The following SLC47A1 variants were observed in gnomAD, a reference collection of about 807,000 sequenced individuals.
SLC47A1 encodes the protein solute carrier family 47 member 1, also known as multidrug and toxin extrusion protein 1.
SLC47A1 carries 58 observed loss-of-function variants against 65.8 expected under a neutral mutation model. That is an observed-to-expected ratio of 0.88 (90% CI 0.71 to 1.10). The LOEUF (loss-of-function observed/expected upper bound fraction) is 1.10. Among genes scored for constraint, SLC47A1 ranks in the 50% least tolerant of loss-of-function variants. The pLI is 0.00. For missense variants in SLC47A1, 706 were observed against 719.2 expected (o/e 0.98, Z 0.21); for synonymous variants, 285 against 295.0 (o/e 0.97, Z 0.35).
At chr17:19,545,339 C>T (rs994081583) in intron 2 of SLC47A1, among the ~76,000 whole-genome samples, 24 of 151,658 alleles carry the variant, frequency 1.6e-4, no homozygotes, top group East Asian at 3.9e-4. Context: ...GGAATACAGG[C>T]GCCCGCCACT....
In SLC47A1 at chr17:19,534,039, G is replaced by C; in HGVS notation, c.100G>C (p.Glu34Gln). The change falls in exon 1 of 17, where the codon GAG (glutamate) becomes CAG (glutamine). Residue 34 changes from glutamate (E) to glutamine (Q), a missense_variant. Coordinates refer to ENST00000270570, the MANE Select transcript of SLC47A1 (RefSeq NM_018242.3). ...CTTGCGGCTGTCCGCCTTCCGAGAAGAGCTGCGGGCGCTCTTGGTCCTGGC... is the reference window on the plus strand; with the variant it reads ...CTTGCGGCTGTCCGCCTTCCGAGAACAGCTGCGGGCGCTCTTGGTCCTGGC... ...RCLRLSAFREELRALLVLAGP... is the reference protein window; with the variant it reads ...RCLRLSAFREQLRALLVLAGP... 6.5e-7 allele frequency: 1 copy of C among 1,547,992 alleles called. No homozygotes were observed. Among genetic ancestry groups the C allele is most frequent in the Non-Finnish European group, 8.7e-7 (1 of 1,147,734 alleles).
At chr17:19,534,267 G>A (rs1048410662) in intron 1 of SLC47A1, 193 bp downstream of exon 1, 2 of 661,338 alleles carry the variant, frequency 3.0e-6, no homozygotes, top group Non-Finnish European at 4.6e-6. Context: ...TTTCCGCTCC[G>A]CACCACCCGA....
chr17:19,546,397 TTAAC>T, intron 2 of SLC47A1, 34 bp from the exon 3 acceptor site: 1 of 1,604,674 alleles, frequency 6.2e-7, no homozygotes, highest in East Asian at 2.2e-5. Flanking sequence ...CTTTCCTCCT[TTAAC>T]TCTATAGGGC....
intron 2 of SLC47A1, among the ~76,000 whole-genome samples, chr17:19,544,503 T>C (rs149128358): frequency 1.3e-5 from 2 of 152,252 alleles, no homozygotes; most frequent in East Asian, 1.9e-4. Context: ...AGGTTCCAGA[T>C]GGGGAGCACA....
intron 7 of SLC47A1, 74 bp from the exon 8 acceptor site, chr17:19,555,518 TC>T: frequency 1.4e-6 from 2 of 1,460,346 alleles, no homozygotes; most frequent in Admixed American, 3.4e-5. Context: ...AAGGGATGAG[TC>T]TCCCCTCCTC....
intron 1 of SLC47A1, among the ~76,000 whole-genome samples, chr17:19,536,299 A>T (rs1213510103): frequency 6.7e-6 from 1 of 150,000 alleles, no homozygotes; most frequent in African/African-American, 2.4e-5. Context: ...AGGTTTCTGA[A>T]ATCCAGCCCT....
At position 19,567,198 on chromosome 17, in the gene SLC47A1, C is replaced by A. The variant is rs370209076; in HGVS notation, c.1279C>A (p.Leu427Met). ...YVVGLPIGIA[L>M]MFATTLGVMG... ...GGTTGGCCTCCCCATCGGGATCGCG[C>A]TGATGTTTGCAACCACACTTGGAGT... The change falls in exon 14 of 17, where the codon CTG (leucine) becomes ATG (methionine). Residue 427 changes from leucine to methionine, a missense_variant. Leu to Met is a conservative substitution (Grantham distance 15). Coordinates refer to ENST00000270570, the MANE Select transcript of SLC47A1 (RefSeq NM_018242.3). 12 of 1,614,198 alleles carry A rather than the reference C, an allele frequency of 7.4e-6. No homozygotes were observed. In the African/African-American group the frequency reaches 1.3e-4, roughly 18 times the overall value.
intron 14 of SLC47A1, among the ~76,000 whole-genome samples, chr17:19,569,725 G>A (rs1327517740): frequency 6.6e-6 from 1 of 152,226 alleles, no homozygotes; most frequent in African/African-American, 2.4e-5. Context: ...TGGGCTCATA[G>A]GTTGGGTCAA....
At chr17:19,549,828 TG>T in intron 5 of SLC47A1, 151 bp downstream of exon 5, 1 of 816,344 alleles carries the variant, frequency 1.2e-6, no homozygotes, top group Admixed American at 2.2e-5. Flanking sequence ...TATTTATGCC[TG>T]TTAAGGACAC....
Position 19,578,092 on chromosome 17 carries a change from T to G in SLC47A1, c.*539T>G, listed in dbSNP as rs1285500256. The G allele has an allele frequency of 1.5e-6, 1 of 684,414 alleles. No homozygotes were observed. Among genetic ancestry groups the G allele is most frequent in the Non-Finnish European group, 2.3e-6 (1 of 436,664 alleles). 42.4% of individuals were successfully genotyped at this position (684,414 alleles called of 1,614,324 possible). A position where few individuals can be genotyped will look rare whatever the true frequency, so the allele number is the denominator to read the frequency against. ...CGAACTCTTGGGCTTCAAGCAATCCTCCTGTGTCAGCCACCAGAGTAGCTG... is the reference window on the plus strand; with the variant it reads ...CGAACTCTTGGGCTTCAAGCAATCCGCCTGTGTCAGCCACCAGAGTAGCTG... On this transcript the variant is annotated 3_prime_UTR_variant, in exon 17 of 17. Coordinates refer to ENST00000270570, the MANE Select transcript of SLC47A1 (RefSeq NM_018242.3).
chr17:19,542,513 G>A lies in SLC47A1; in HGVS notation c.237+19G>A. The A allele has an allele frequency of 6.3e-7, 1 of 1,590,420 alleles. No individual in the cohort carries two copies. The highest frequency in any genetic ancestry group is 8.6e-7 in the Non-Finnish European group (1 of 1,168,594). On this transcript the variant is annotated intron_variant, in intron 2 of 16. Coordinates refer to ENST00000270570, the MANE Select transcript of SLC47A1 (RefSeq NM_018242.3). ...AATCGCGGTACGTGTGGGCTTTCTGGCAGGTTTACCAACACTGTCTGTGTT... is the reference window on the plus strand; with the variant it reads ...AATCGCGGTACGTGTGGGCTTTCTGACAGGTTTACCAACACTGTCTGTGTT...
Position 19,555,637 on chromosome 17 carries a change from T to C in SLC47A1, c.686T>C (p.Leu229Pro). The C allele has an allele frequency of 6.2e-7, 1 of 1,614,210 alleles. No homozygotes were observed. The highest frequency in any genetic ancestry group is 8.5e-7 in the Non-Finnish European group (1 of 1,180,042). ...ANLISQYTLA[L>P]LLFLYILGKK... Reference sequence around the variant, plus strand: ...TTGATTTCCCAGTACACCCTGGCTCTACTCCTCTTTCTCTACATCCTCGGG... The same window carrying C: ...TTGATTTCCCAGTACACCCTGGCTCCACTCCTCTTTCTCTACATCCTCGGG... Residue 229 changes from leucine (L) to proline (P), a missense_variant, in exon 8 of 17, where the codon CTA becomes CCA. Leu to Pro is a moderately conservative substitution (Grantham distance 98). Transcript: ENST00000270570.
intron 1 of SLC47A1, chr17:19,534,378 C>T (rs1300995433): frequency 3.0e-6 from 1 of 331,550 alleles, no homozygotes; most frequent in Non-Finnish European, 5.5e-6. Flanking sequence ...CAGGAGACAC[C>T]GGAGAGCTGG....
chr17:19,577,039 G>A (rs1226744599), intron 16 of SLC47A1, among the ~76,000 whole-genome samples: 11 of 152,126 alleles, frequency 7.2e-5, no homozygotes, highest in African/African-American at 1.9e-4. Context: ...GAGCCACCGC[G>A]CCCGGCTTCC....
intron 16 of SLC47A1, among the ~76,000 whole-genome samples, chr17:19,574,252 C>T (rs1230406904): frequency 6.6e-6 from 1 of 152,090 alleles, no homozygotes; most frequent in African/African-American, 2.4e-5. Context: ...GGATGCAGCC[C>T]TTTGGGGTTC....
intron 15 of SLC47A1, 54 bp downstream of exon 15, chr17:19,571,626 C>A: frequency 7.4e-7 from 1 of 1,343,172 alleles, no homozygotes; most frequent in Non-Finnish European, 1.1e-6. Flanking sequence ...AAAACAGGAT[C>A]TGATCTGGCT....
At chr17:19,574,462 C>T (rs2084423842) in intron 16 of SLC47A1, among the ~76,000 whole-genome samples, 1 of 152,108 alleles carries the variant, frequency 6.6e-6, no homozygotes. Flanking sequence ...TTCCTTCGTC[C>T]CTGGATCTTG....
At chr17:19,555,478 A>G (rs1597501948) in intron 7 of SLC47A1, 115 bp from the exon 8 acceptor site, 1 of 1,319,124 alleles carries the variant, frequency 7.6e-7, no homozygotes, top group East Asian at 2.3e-5. Context: ...CTCTGGGAAG[A>G]AGACCTTGGC....
rs778754602 is a variant in SLC47A1 at position 19,555,855 on chromosome 17, A to G, written c.799A>G (p.Met267Val). Residue 267 changes from methionine to valine, a missense_variant, in exon 9 of 17, where the codon ATG (methionine) becomes GTG (valine). Coordinates refer to ENST00000270570, the MANE Select transcript of SLC47A1 (RefSeq NM_018242.3). ...ASFLRLAIPS[M>V]LMLCMEWWAY... Reference sequence around the variant, plus strand: ...CTTCCTCCGCCTGGCCATCCCCAGCATGCTCATGCTGTGCATGGAGTGGTG... The same window carrying G: ...CTTCCTCCGCCTGGCCATCCCCAGCGTGCTCATGCTGTGCATGGAGTGGTG... The G allele has an allele frequency of 1.9e-6, 3 of 1,613,866 alleles. No individual in the cohort carries two copies. The South Asian group carries it at 3.3e-5, about 18-fold the overall frequency.
Sources: gnomAD v4.1 joint callset for allele counts (sites outside exome capture counted in the v4.1 genomes callset) on GRCh38, gnomAD v4.1.1 for gene constraint, MANE v1.5 for transcripts, NCBI Gene and HGNC (gene_info 2026-07-23, HGNC 2026-07-21) for gene names.